The following MAST4 variants were observed in gnomAD, a reference collection of about 807,000 sequenced individuals.
MAST4 encodes microtubule-associated serine/threonine-protein kinase 4.
Under a neutral mutation model 162.7 loss-of-function variants are expected in MAST4, and 89 were observed. The observed-to-expected ratio is 0.55, with a 90% CI of 0.46 to 0.65. The LOEUF (loss-of-function observed/expected upper bound fraction) is 0.65, where lower values mean the gene tolerates loss of function less well. MAST4 is among the 30% of genes least tolerant of loss of function. The probability of loss-of-function intolerance (pLI) is 0.00; values close to 1 mark genes in which losing one functional copy is unlikely to be tolerated. For synonymous variants in MAST4, 1,479 were observed against 1,361.1 expected (o/e 1.09, Z -1.91); for missense variants, 3,153 against 3,374.0 (o/e 0.93, Z 1.62).
intron 2 of MAST4, among the ~76,000 whole-genome samples, chr5:66,761,456 T>A (rs1398339734): frequency 6.6e-6 from 1 of 152,220 alleles, no homozygotes; most frequent in Non-Finnish European, 1.5e-5. Context: ...ATATAAATAT[T>A]TTCACGGAAC....
At chr5:66,787,522 G>A (rs1362825389) in intron 2 of MAST4, among the ~76,000 whole-genome samples, 2 of 152,226 alleles carry the variant, frequency 1.3e-5, no homozygotes, top group South Asian at 2.1e-4. Context: ...GGTAGTTAGC[G>A]TGTGCAGTAA....
intron 4 of MAST4, among the ~76,000 whole-genome samples, chr5:66,945,274 G>A (rs1271927471): frequency 6.6e-6 from 1 of 152,148 alleles, no homozygotes. Context: ...CCAGTTGAGT[G>A]AGAGTCTGGT....
intron 12 of MAST4, among the ~76,000 whole-genome samples, chr5:67,115,884 T>C (rs1303629793): frequency 1.3e-5 from 2 of 152,346 alleles, no homozygotes; most frequent in Non-Finnish European, 2.9e-5. Flanking sequence ...TTTGTTTTTT[T>C]TTTTATGAAA....
At chr5:66,992,309 G>A (rs1201542434) in intron 4 of MAST4, among the ~76,000 whole-genome samples, 2 of 152,166 alleles carry the variant, frequency 1.3e-5, no homozygotes, top group African/African-American at 2.4e-5. Flanking sequence ...AAGAGATAGT[G>A]TCTATATCAA....
intron 1 of MAST4, among the ~76,000 whole-genome samples, chr5:66,714,244 AAAATCAGGCC>A (rs1307718931): frequency 7.2e-5 from 11 of 152,304 alleles, no homozygotes; most frequent in African/African-American, 2.6e-4. Context: ...TGAGGGTGTG[AAAATCAGGCC>A]CTTTGTTAGT....
chr5:66,927,766 A>G (rs1003586989), intron 4 of MAST4, among the ~76,000 whole-genome samples: 18 of 152,226 alleles, frequency 1.2e-4, no homozygotes, highest in Non-Finnish European at 1.3e-4. Context: ...ACAAAGTATC[A>G]CATATCAGGT....
At chr5:66,825,993 C>A (rs1481352217) in intron 3 of MAST4, among the ~76,000 whole-genome samples, 1 of 152,128 alleles carries the variant, frequency 6.6e-6, no homozygotes, top group Non-Finnish European at 1.5e-5. Flanking sequence ...TGAATAGTGT[C>A]ATCATTTGAA....
At chr5:67,128,393 A>G (rs1768519798) in intron 14 of MAST4, among the ~76,000 whole-genome samples, 1 of 152,208 alleles carries the variant, frequency 6.6e-6, no homozygotes, top group African/African-American at 2.4e-5. Context: ...CGGTGCATTG[A>G]TTATAGGAGG....
At chr5:67,134,318 T>G (rs1260948274) in intron 17 of MAST4, among the ~76,000 whole-genome samples, 2 of 152,196 alleles carry the variant, frequency 1.3e-5, no homozygotes, top group African/African-American at 4.8e-5. Flanking sequence ...AGAGCAGAAC[T>G]GTAAACTTCC....
intron 4 of MAST4, chr5:67,004,984 A>G (rs767504242): frequency 1.3e-6 from 1 of 766,602 alleles, no homozygotes; most frequent in Non-Finnish European, 2.4e-6. Context: ...TGAATTGAAG[A>G]GAGAAAGAAA....
At chr5:66,638,586 T>C (rs1745279534) in intron 1 of MAST4, among the ~76,000 whole-genome samples, 1 of 152,348 alleles carries the variant, frequency 6.6e-6, no homozygotes, top group Non-Finnish European at 1.5e-5. Context: ...ATATGCCTTA[T>C]ACACATAGCC....
chr5:67,045,551 A>G lies in MAST4; in HGVS notation c.675-8853A>G, dbSNP rs1241426517. On this transcript the variant is annotated intron_variant, in intron 4 of 28. Transcript: ENST00000403625. ...ACAGACCACATATATGAAGGACTGC[A>G]TATACACAGGTGGTCCCACATGATT... Among the ~76,000 whole-genome samples the G allele has an allele frequency of 2.6e-5, 4 of 152,222 alleles. No homozygotes were observed. In the South Asian group the frequency reaches 8.3e-4, roughly 32 times the overall value.
At chr5:66,748,423 T>TCCTCCCTCCCTCCCTC (rs1402836654) in intron 1 of MAST4, among the ~76,000 whole-genome samples, 1 of 2,298 alleles carries the variant, frequency 4.4e-4, no homozygotes, top group African/African-American at 1.7e-3. Context: ...CTCCCTTCCT[T>TCCTCCCTCCCTCCCTC]CCTCCCTCCC....
At chr5:66,714,842 T>C (rs1750719620) in intron 1 of MAST4, among the ~76,000 whole-genome samples, 1 of 152,244 alleles carries the variant, frequency 6.6e-6, no homozygotes. Flanking sequence ...CCACAGGTCC[T>C]ACCTGTGGTT....
chr5:66,928,037 C>T (rs1162590595), intron 4 of MAST4, among the ~76,000 whole-genome samples: 1 of 152,132 alleles, frequency 6.6e-6, no homozygotes, highest in South Asian at 2.1e-4. Context: ...TTTATAAGGA[C>T]ACAGTTATAT....
intron 5 of MAST4, among the ~76,000 whole-genome samples, chr5:67,065,252 C>G (rs1760090326): frequency 6.6e-6 from 1 of 152,220 alleles, no homozygotes; most frequent in South Asian, 2.1e-4. Context: ...AGTCACCTCT[C>G]ACTCTTGTGG....
chr5:66,977,609 A>G (rs1467676628), intron 4 of MAST4, among the ~76,000 whole-genome samples: 1 of 152,228 alleles, frequency 6.6e-6, no homozygotes, highest in Non-Finnish European at 1.5e-5. Context: ...TAAATCCCTC[A>G]TAATAGCTTC....
intron 4 of MAST4, among the ~76,000 whole-genome samples, chr5:67,049,406 G>A (rs1354283055): frequency 6.6e-6 from 1 of 152,068 alleles, no homozygotes; most frequent in Non-Finnish European, 1.5e-5. Context: ...TAACATTTAT[G>A]CAGCATTACC....
rs1273649956 is a variant in MAST4, at chr5:66,609,116, C to T, written c.363+12098C>T. Among the ~76,000 whole-genome samples, 5 of 146,534 alleles carry T rather than the reference C, an allele frequency of 3.4e-5. No individual in the cohort carries two copies. The Admixed American group carries it at 3.5e-4, about 10-fold the overall frequency. ...AGTGGCAGAGTCTGCAGGCTCCAAA[C>T]AGAAAGACTTGGGTTTGGATTTTTC... On this transcript the variant is annotated intron_variant, in intron 1 of 28. Coordinates refer to ENST00000403625, the MANE Select transcript of MAST4 (RefSeq NM_001164664.2).
Sources: gnomAD v4.1 joint callset for allele counts (sites outside exome capture counted in the v4.1 genomes callset) on GRCh38, gnomAD v4.1.1 for gene constraint, MANE v1.5 for transcripts, NCBI Gene and HGNC (gene_info 2026-07-23, HGNC 2026-07-21) for gene names.